Variants in POTEC observed in about 807,000 individuals in gnomAD.
POTEC encodes the protein ANKRD26-like family B member 2.
POTEC carries 35 observed loss-of-function variants against 62.0 expected under a neutral mutation model. The ratio of observed to expected loss-of-function variants is 0.56; its 90% CI spans 0.43 to 0.75. The LOEUF (loss-of-function observed/expected upper bound fraction) is 0.75, where lower values mean the gene tolerates loss of function less well. Ranked by LOEUF, POTEC falls within the 30% of genes least tolerant of loss-of-function variation. The pLI is 0.00. For missense variants in POTEC, 472 were observed against 655.9 expected, an observed-to-expected ratio of 0.72 and a Z score of 3.06; for synonymous variants, 156 against 221.5, an observed-to-expected ratio of 0.70 and a Z score of 2.62.
At chr18:14,526,178 G>C (rs903347475) in intron 6 of POTEC, among the ~76,000 whole-genome samples, 19 of 152,032 alleles carry the variant, frequency 1.2e-4, no homozygotes, top group African/African-American at 4.6e-4. Context: ...AATTACAGGT[G>C]TGAGCCACCA....
chr18:14,538,085 T>A, intron 2 of POTEC, 50 bp downstream of exon 2: 1 of 1,486,618 alleles, frequency 6.7e-7, no homozygotes, highest in South Asian at 1.4e-5. Flanking sequence ...TTTTATGCTA[T>A]CTATTGAAAT....
intron 6 of POTEC, chr18:14,528,022 A>T (rs1424777352): frequency 6.6e-6 from 1 of 152,172 alleles, no homozygotes; most frequent in African/African-American, 2.4e-5. Flanking sequence ...TGGCTTTGTA[A>T]ATAAAGTTTT....
rs539938317 is a variant in POTEC at position 14,510,951 on chromosome 18, G to A, written c.*947C>T. ...CTGTGAGCCAGAGAACAGCAGTGAA[G>A]GTGGCTGGAGACCCTGGTTGAAAGG... is the stretch of plus-strand genomic sequence containing the variant. On this transcript the variant is annotated 3_prime_UTR_variant, in exon 11 of 11. Transcript: ENST00000358970. The A allele has an allele frequency of 4.9e-4, 75 of 152,364 alleles. No homozygotes were observed. Among genetic ancestry groups the A allele is most frequent in the African/African-American group, 1.8e-3 (73 of 41,562 alleles). The allele number at this position is 152,364 out of a possible 1,614,324, so 9.4% of individuals were successfully genotyped here. A position where few individuals can be genotyped will look rare whatever the true frequency, so the allele number is the denominator to read the frequency against.
chr18:14,539,403 T>C (rs1174302076), intron 1 of POTEC, among the ~76,000 whole-genome samples: 1 of 146,540 alleles, frequency 6.8e-6, no homozygotes, highest in African/African-American at 2.6e-5. Context: ...CCGTTAGTTC[T>C]ATTTCCTGCT....
rs1909925380 is a variant in POTEC at position 14,509,140 on chromosome 18, A to T, written c.*2758T>A. ...AGTGCAGCAGCTGTGGCAGAATGCT[A>T]GCAGATGCAAAAGTCCCTGCCTCCC... On this transcript the variant is annotated 3_prime_UTR_variant, in exon 11 of 11. Transcript: ENST00000358970. The T allele has an allele frequency of 6.6e-6, 1 of 152,310 alleles. No homozygotes were observed. Among genetic ancestry groups the T allele is most frequent in the South Asian group, 2.1e-4 (1 of 4,838 alleles). 9.4% of individuals were successfully genotyped at this position (152,310 alleles called of 1,614,324 possible).
At chr18:14,536,199 T>G (rs1335679588) in intron 3 of POTEC, among the ~76,000 whole-genome samples, 1 of 149,282 alleles carries the variant, frequency 6.7e-6, no homozygotes, top group Non-Finnish European at 1.5e-5. Flanking sequence ...CACTCCAGCC[T>G]GGGGAACAGA....
Position 14,522,662 on chromosome 18 carries a change from C to G in POTEC, c.1243-242G>C, listed in dbSNP as rs9962464. Among the ~76,000 whole-genome samples the G allele has an allele frequency of 7.7e-3, 1,177 of 152,120 alleles. 17 individuals carry two copies. Among genetic ancestry groups the G allele is most frequent in the African/African-American group, 0.027 (1,121 of 41,498 alleles). The stretch of plus-strand genomic sequence containing the variant: ...TTGATTGCTGTTTGACTGAATAAAA[C>G]AGAATTTTCCAAAATTCAAAAAGGG... On this transcript the variant is annotated intron_variant, in intron 8 of 10. Coordinates refer to ENST00000358970, the MANE Select transcript of POTEC (RefSeq NM_001137671.2).
chr18:14,527,924 G>A (rs1332914423), intron 6 of POTEC: 1 of 152,198 alleles, frequency 6.6e-6, no homozygotes, highest in East Asian at 1.9e-4. Context: ...TACTGCAAAA[G>A]CTTCCTTTGT....
intron 6 of POTEC, among the ~76,000 whole-genome samples, chr18:14,527,368 C>T (rs1390002561): frequency 1.3e-5 from 2 of 152,052 alleles, no homozygotes; most frequent in Non-Finnish European, 2.9e-5. Context: ...GCACATTTTG[C>T]AGAAAATGAT....
At position 14,507,507 on chromosome 18, in the gene POTEC, T is replaced by C. The variant is rs1295311231; in HGVS notation, c.*4391A>G. On this transcript the variant is annotated 3_prime_UTR_variant, in exon 11 of 11. Coordinates refer to ENST00000358970, the MANE Select transcript of POTEC (RefSeq NM_001137671.2). ...GATGGGTTTCTTGAAGACGGCATAC[T>C]CCAATGGGTCTTGGTTCTTTATCCA... The C allele has an allele frequency of 1.3e-5, 2 of 151,816 alleles. No homozygotes were observed. Among genetic ancestry groups the C allele is most frequent in the Non-Finnish European group, 2.9e-5 (2 of 67,976 alleles). The allele number at this position is 151,816 out of a possible 1,614,324, so 9.4% of individuals were successfully genotyped here.
chr18:14,507,981 C>A lies in POTEC; in HGVS notation c.*3917G>T, dbSNP rs1364891221. On this transcript the variant is annotated 3_prime_UTR_variant, in exon 11 of 11. Transcript: ENST00000358970. Reference sequence around the variant, plus strand: ...TTTGCAGGTGATGTTGCCTTTCTCCCTAGCTGCCTTTAACATTTTTTCTTT... The same window carrying A: ...TTTGCAGGTGATGTTGCCTTTCTCCATAGCTGCCTTTAACATTTTTTCTTT... The A allele has an allele frequency of 1.3e-5, 2 of 152,182 alleles. No individual in the cohort carries two copies. The highest frequency in any genetic ancestry group is 1.9e-4 in the East Asian group (1 of 5,190). 9.4% of individuals were successfully genotyped at this position (152,182 alleles called of 1,614,324 possible).
intron 5 of POTEC, chr18:14,531,841 C>T (rs1274526032): frequency 6.6e-6 from 1 of 151,452 alleles, no homozygotes; most frequent in African/African-American, 2.4e-5. Flanking sequence ...GGCTCTTGTC[C>T]ATGACTCATC....
At chr18:14,540,691 T>C (rs1448577087) in intron 1 of POTEC, among the ~76,000 whole-genome samples, 4 of 152,182 alleles carry the variant, frequency 2.6e-5, no homozygotes, top group Non-Finnish European at 4.4e-5. Context: ...CTGTTTCATA[T>C]AGATATTTCA....
chr18:14,541,404 GGGAGGCTGA>G (rs1464010582), intron 1 of POTEC, among the ~76,000 whole-genome samples: 1 of 152,088 alleles, frequency 6.6e-6, no homozygotes, highest in African/African-American at 2.4e-5. Flanking sequence ...TCAGCACTTT[GGGAGGCTGA>G]GGTGGGTGGA....
In POTEC at chr18:14,508,245, G is replaced by A. The variant is rs1316204326; in HGVS notation, c.*3653C>T. The A allele has an allele frequency of 8.5e-5, 13 of 152,398 alleles. No individual in the cohort carries two copies. Among genetic ancestry groups the A allele is most frequent in the South Asian group, 2.1e-4 (1 of 4,812 alleles). 9.4% of individuals were successfully genotyped at this position (152,398 alleles called of 1,614,324 possible). A position where few individuals can be genotyped will look rare whatever the true frequency, so the allele number is the denominator to read the frequency against. On this transcript the variant is annotated 3_prime_UTR_variant, in exon 11 of 11. Coordinates refer to ENST00000358970, the MANE Select transcript of POTEC (RefSeq NM_001137671.2). ...TCGTTTATATAATCCCATATTTCTC[G>A]GATGTTTTGTTCATTCCCTTTCATT...
intron 1 of POTEC, among the ~76,000 whole-genome samples, chr18:14,538,718 A>C: frequency 6.6e-6 from 1 of 152,202 alleles, no homozygotes; most frequent in Non-Finnish European, 1.5e-5. Flanking sequence ...ATTAAGTGAA[A>C]CGATACAATT....
intron 9 of POTEC, among the ~76,000 whole-genome samples, chr18:14,521,393 T>A (rs529684554): frequency 1.6e-3 from 243 of 152,314 alleles, no homozygotes; most frequent in African/African-American, 5.6e-3. Context: ...ACCTCATTTG[T>A]AAAAAATGGT....
Position 14,509,488 on chromosome 18 carries a change from G to A in POTEC, c.*2410C>T, listed in dbSNP as rs1314848635. The A allele has an allele frequency of 6.6e-6, 1 of 151,922 alleles. No individual in the cohort carries two copies. Among genetic ancestry groups the A allele is most frequent in the Non-Finnish European group, 1.5e-5 (1 of 68,002 alleles). The allele number at this position is 151,922 out of a possible 1,614,324, so 9.4% of individuals were successfully genotyped here. On this transcript the variant is annotated 3_prime_UTR_variant, in exon 11 of 11. Coordinates refer to ENST00000358970, the MANE Select transcript of POTEC (RefSeq NM_001137671.2). ...GCATTCCCATATGCTGTTAGGGCAAGTACAACAAAACCCACCTGTGTAAAC... is the reference window on the plus strand; with the variant it reads ...GCATTCCCATATGCTGTTAGGGCAAATACAACAAAACCCACCTGTGTAAAC...
chr18:14,532,480 G>A lies in POTEC; in HGVS notation c.1055+581C>T, dbSNP rs373974550. On this transcript the variant is annotated intron_variant, in intron 5 of 10. Transcript: ENST00000358970. ...GACTTGAGGGATCTGAATCAGTAAG[G>A]GCATCTTGGTGTCAAAGGTCAACAA... Among the ~76,000 whole-genome samples the A allele has an allele frequency of 5.8e-4, 89 of 152,198 alleles. No homozygotes were observed. In the East Asian group the frequency reaches 0.014, roughly 23 times the overall value.
Sources: allele counts gnomAD v4.1 joint callset (sites outside exome capture counted in the v4.1 genomes callset), GRCh38; gene constraint gnomAD v4.1.1; transcripts MANE v1.5; gene names NCBI Gene and HGNC (gene_info 2026-07-23, HGNC 2026-07-21).